Variants in B3GAT2 observed in about 807,000 individuals in gnomAD.
B3GAT2 encodes the protein beta-1,3-glucuronyltransferase 2, also known as galactosylgalactosylxylosylprotein 3-beta-glucuronosyltransferase 2.
Under a neutral mutation model 27.8 loss-of-function variants are expected in B3GAT2, and 26 were observed. The ratio of observed to expected loss-of-function variants is 0.93; its 90% CI spans 0.68 to 1.30. The LOEUF is 1.30. Ranked by LOEUF, B3GAT2 falls within the 50% of genes most tolerant of loss-of-function variation. The pLI is 0.00. For missense variants in B3GAT2, 458 were observed against 459.0 expected (o/e 1.00, Z 0.02); for synonymous variants, 218 against 195.1 (o/e 1.12, Z -0.98).
chr6:70,913,180 T>C (rs1475283285), intron 1 of B3GAT2, among the ~76,000 whole-genome samples: 1 of 152,052 alleles, frequency 6.6e-6, no homozygotes, highest in African/African-American at 2.4e-5. Flanking sequence ...TCAGTTCTTG[T>C]TTTGGTTCTT....
intron 1 of B3GAT2, among the ~76,000 whole-genome samples, chr6:70,919,744 T>C (rs534795946): frequency 6.6e-6 from 1 of 152,254 alleles, no homozygotes; most frequent in Admixed American, 6.5e-5. Flanking sequence ...ACAGCAGATA[T>C]TGCTGCCTGA....
chr6:70,950,981 G>C (rs995530971), intron 1 of B3GAT2, among the ~76,000 whole-genome samples: 1 of 152,112 alleles, frequency 6.6e-6, no homozygotes, highest in Non-Finnish European at 1.5e-5. Flanking sequence ...CTTTGGAGAT[G>C]TATTCTAAAC....
chr6:70,908,975 T>G (rs1772643841), intron 1 of B3GAT2, among the ~76,000 whole-genome samples: 1 of 152,100 alleles, frequency 6.6e-6, no homozygotes, highest in South Asian at 2.1e-4. Context: ...TTGAAAAAAC[T>G]TTTCCTAGAA....
chr6:70,908,234 C>T (rs1317262775), intron 1 of B3GAT2, among the ~76,000 whole-genome samples: 2 of 152,154 alleles, frequency 1.3e-5, no homozygotes, highest in Non-Finnish European at 2.9e-5. Context: ...ACATTGCCTC[C>T]AGGGAGTTAG....
At chr6:70,927,719 A>T (rs1772987403) in intron 1 of B3GAT2, among the ~76,000 whole-genome samples, 2 of 152,174 alleles carry the variant, frequency 1.3e-5, no homozygotes, top group Non-Finnish European at 2.9e-5. Flanking sequence ...CTCCCAAACA[A>T]TAATAATGGG....
chr6:70,865,920 C>T (rs1277587687), intron 2 of B3GAT2, among the ~76,000 whole-genome samples: 3 of 152,272 alleles, frequency 2.0e-5, no homozygotes, highest in Non-Finnish European at 4.4e-5. Context: ...TTTCAGGCTA[C>T]ACCACAGGGA....
chr6:70,906,195 AAAG>A (rs891941275), intron 1 of B3GAT2, among the ~76,000 whole-genome samples: 1 of 152,220 alleles, frequency 6.6e-6, no homozygotes, highest in Non-Finnish European at 1.5e-5. Context: ...GAATGGGGGA[AAAG>A]AAGTCTCTAA....
intron 1 of B3GAT2, among the ~76,000 whole-genome samples, chr6:70,925,226 G>T (rs73491677): frequency 6.6e-6 from 1 of 152,362 alleles, no homozygotes; most frequent in South Asian, 2.1e-4. Context: ...TCATGCATCT[G>T]CGTGAGTGAC....
intron 1 of B3GAT2, among the ~76,000 whole-genome samples, chr6:70,904,494 G>A (rs1202734812): frequency 6.6e-6 from 1 of 152,122 alleles, no homozygotes; most frequent in Non-Finnish European, 1.5e-5. Flanking sequence ...TTCCACTAAA[G>A]GGAAACAGGT....
intron 2 of B3GAT2, among the ~76,000 whole-genome samples, chr6:70,871,077 C>G (rs1771926982): frequency 6.6e-6 from 1 of 151,394 alleles, no homozygotes; most frequent in African/African-American, 2.4e-5. Flanking sequence ...TTGAAATAAT[C>G]TTATATTCCA....
At chr6:70,899,311 C>A (rs1021289211) in intron 1 of B3GAT2, among the ~76,000 whole-genome samples, 2 of 152,178 alleles carry the variant, frequency 1.3e-5, no homozygotes, top group Non-Finnish European at 2.9e-5. Context: ...CCACAGAATA[C>A]AGAATGGCCT....
intron 1 of B3GAT2, among the ~76,000 whole-genome samples, chr6:70,917,607 T>C (rs1772795272): frequency 1.3e-5 from 2 of 152,202 alleles, no homozygotes; most frequent in South Asian, 4.1e-4. Flanking sequence ...TCTTTGTTCT[T>C]ATTGGCTTCA....
intron 1 of B3GAT2, among the ~76,000 whole-genome samples, chr6:70,949,708 A>G (rs1465052211): frequency 6.6e-6 from 1 of 151,900 alleles, no homozygotes; most frequent in East Asian, 1.9e-4. Context: ...TACTGGGTAT[A>G]TACCCAAAGG....
Position 70,956,738 on chromosome 6 carries a change from G to C in B3GAT2, c.-309C>G, listed in dbSNP as rs1028796560. On this transcript the variant is annotated 5_prime_UTR_variant, in exon 1 of 4. Coordinates refer to ENST00000230053, the MANE Select transcript of B3GAT2 (RefSeq NM_080742.3). The stretch of plus-strand genomic sequence containing the variant: ...GCGCCGCCGGTCCCGGAGTTGTGCC[G>C]AGTGCGGGAAAGGCGCTGATCCCCA... 7.7e-7 allele frequency: 1 copy of C among 1,290,594 alleles called. No individual in the cohort carries two copies. Among genetic ancestry groups the C allele is most frequent in the South Asian group, 1.7e-5 (1 of 58,986 alleles). The allele number at this position is 1,290,594 out of a possible 1,614,324, so 79.9% of individuals were successfully genotyped here.
At chr6:70,934,604 C>G (rs1230748663) in intron 1 of B3GAT2, among the ~76,000 whole-genome samples, 1 of 152,060 alleles carries the variant, frequency 6.6e-6, no homozygotes, top group Non-Finnish European at 1.5e-5. Context: ...TGGAGGTGAC[C>G]TAATATCATT....
At chr6:70,870,873 T>A (rs1013370733) in intron 2 of B3GAT2, among the ~76,000 whole-genome samples, 4 of 152,172 alleles carry the variant, frequency 2.6e-5, no homozygotes, top group Non-Finnish European at 5.9e-5. Flanking sequence ...TAGCTGTGAA[T>A]TTTTCATAGA....
chr6:70,874,999 T>C (rs2150024906), intron 2 of B3GAT2, among the ~76,000 whole-genome samples: 1 of 147,770 alleles, frequency 6.8e-6, no homozygotes, highest in East Asian at 1.9e-4. Flanking sequence ...AGATTTAGCC[T>C]TTTTTAAAAA....
intron 1 of B3GAT2, among the ~76,000 whole-genome samples, chr6:70,905,516 C>T (rs1311165237): frequency 6.6e-6 from 1 of 152,186 alleles, no homozygotes; most frequent in African/African-American, 2.4e-5. Flanking sequence ...GTCTAATGTA[C>T]TCCGATAACC....
chr6:70,863,644 A>G (rs1771801973), intron 2 of B3GAT2, among the ~76,000 whole-genome samples: 1 of 152,226 alleles, frequency 6.6e-6, no homozygotes, highest in Middle Eastern at 3.2e-3. Context: ...TTTATTTGCG[A>G]GAGAAGTGTA....
Sources: allele counts gnomAD v4.1 joint callset (sites outside exome capture counted in the v4.1 genomes callset), GRCh38; gene constraint gnomAD v4.1.1; transcripts MANE v1.5; gene names NCBI Gene and HGNC (gene_info 2026-07-23, HGNC 2026-07-21).